The following CSNK2A2IP variants were observed in gnomAD, a reference collection of about 807,000 sequenced individuals.
CSNK2A2IP encodes casein kinase II subunit alpha'-interacting protein.
At chr3:88,402,045 CT>C in the CSNK2A2IP span, among the ~76,000 whole-genome samples, 3 of 143,870 alleles carry the variant, frequency 2.1e-5, no homozygotes, top group Non-Finnish European at 4.6e-5. Flanking sequence ...TTTTGCCATT[CT>C]TTTGGCAGCT....
At chr3:88,376,055 ATTC>A in the CSNK2A2IP span, among the ~76,000 whole-genome samples, 1 of 151,724 alleles carries the variant, frequency 6.6e-6, no homozygotes, top group Admixed American at 6.6e-5. Flanking sequence ...ACCAAAATCT[ATTC>A]TTTTCATCTT....
the CSNK2A2IP span, among the ~76,000 whole-genome samples, chr3:88,406,079 C>A: frequency 6.6e-6 from 1 of 151,926 alleles, no homozygotes; most frequent in East Asian, 1.9e-4. Context: ...TTTAACTAAC[C>A]TCATTGGTCA....
chr3:88,456,026 A>T, the CSNK2A2IP span, among the ~76,000 whole-genome samples: 1 of 151,794 alleles, frequency 6.6e-6, no homozygotes, highest in Non-Finnish European at 1.5e-5. Flanking sequence ...GTATGGGTTT[A>T]TTTCTGGGCT....
chr3:88,341,143 A>T, the CSNK2A2IP span, among the ~76,000 whole-genome samples: 1 of 151,952 alleles, frequency 6.6e-6, no homozygotes, highest in African/African-American at 2.4e-5. Context: ...ATTTATAAGT[A>T]TTTGAAGACT....
the CSNK2A2IP span, among the ~76,000 whole-genome samples, chr3:88,430,590 A>T: frequency 2.0e-5 from 3 of 151,946 alleles, no homozygotes; most frequent in Non-Finnish European, 4.4e-5. Flanking sequence ...AAATGAGAAA[A>T]TGTAAGCGAC....
the CSNK2A2IP span, among the ~76,000 whole-genome samples, chr3:88,379,990 A>G: frequency 6.6e-5 from 10 of 152,250 alleles, no homozygotes; most frequent in Admixed American, 4.6e-4. Context: ...GTTATATTAT[A>G]TTTGTAAGAT....
chr3:88,420,529 C>T, the CSNK2A2IP span, among the ~76,000 whole-genome samples: 1 of 151,936 alleles, frequency 6.6e-6, no homozygotes, highest in South Asian at 2.1e-4. Flanking sequence ...GTATAATAAG[C>T]TATATTTTTG....
At chr3:88,389,955 A>C in the CSNK2A2IP span, among the ~76,000 whole-genome samples, 1 of 152,140 alleles carries the variant, frequency 6.6e-6, no homozygotes, top group Non-Finnish European at 1.5e-5. Flanking sequence ...CTTCCAAGAA[A>C]ATCACCAGAA....
the CSNK2A2IP span, chr3:88,467,407 C>T: frequency 2.2e-4 from 89 of 398,530 alleles, no homozygotes; most frequent in Non-Finnish European, 3.5e-4. Context: ...GGTCTCCTGG[C>T]TTGAGTTTAT....
At chr3:88,402,571 T>A in the CSNK2A2IP span, among the ~76,000 whole-genome samples, 2 of 151,916 alleles carry the variant, frequency 1.3e-5, no homozygotes, top group African/African-American at 4.8e-5. Context: ...ATAAAGAAAA[T>A]CAATACAAAA....
chr3:88,402,724 C>T, the CSNK2A2IP span, among the ~76,000 whole-genome samples: 2 of 151,874 alleles, frequency 1.3e-5, no homozygotes, highest in African/African-American at 4.8e-5. Flanking sequence ...TATATTTGTA[C>T]ATAAAGAGTA....
the CSNK2A2IP span, among the ~76,000 whole-genome samples, chr3:88,427,982 G>A: frequency 0.014 from 2,071 of 152,194 alleles, 39 homozygotes; most frequent in African/African-American, 0.048. Flanking sequence ...CATGCGCCTG[G>A]AAAAGCTGCA....
At chr3:88,373,778 T>C in the CSNK2A2IP span, among the ~76,000 whole-genome samples, 2,839 of 151,190 alleles carry the variant, frequency 0.019, 79 homozygotes, top group African/African-American at 0.063. Context: ...AAACACAGAT[T>C]ACCAATATAA....
the CSNK2A2IP span, among the ~76,000 whole-genome samples, chr3:88,410,505 A>G: frequency 1.3e-5 from 2 of 152,044 alleles, no homozygotes; most frequent in Non-Finnish European, 2.9e-5. Context: ...AAAGCAGCTT[A>G]TCTTTTGTGG....
At chr3:88,379,222 T>G in the CSNK2A2IP span, among the ~76,000 whole-genome samples, 1 of 152,060 alleles carries the variant, frequency 6.6e-6, no homozygotes, top group African/African-American at 2.4e-5. Flanking sequence ...GCTCCCCGTG[T>G]GGCACAGACC....
chr3:88,404,159 CAGAT>C, the CSNK2A2IP span, among the ~76,000 whole-genome samples: 1 of 151,312 alleles, frequency 6.6e-6, no homozygotes, highest in Non-Finnish European at 1.5e-5. Context: ...CCATGTGTAA[CAGAT>C]AGTTTTGGGG....
At chr3:88,445,275 C>CAAAAAAAAAAAAAAAAAAAAAAAAAAAAA in the CSNK2A2IP span, among the ~76,000 whole-genome samples, 4 of 47,772 alleles carry the variant, frequency 8.4e-5, 1 homozygote, top group Non-Finnish European at 1.6e-4. Context: ...GTAAAAATAC[C>CAAAAAAAAAAAAAAAAAAAAAAAAAAAAA]AAAAAAAAAA....
the CSNK2A2IP span, among the ~76,000 whole-genome samples, chr3:88,388,322 C>A: frequency 6.6e-6 from 1 of 152,062 alleles, no homozygotes; most frequent in Non-Finnish European, 1.5e-5. Context: ...TGGTGCTAGG[C>A]CAATTATGTT....
chr3:88,367,196 CAAA>C, the CSNK2A2IP span, among the ~76,000 whole-genome samples: 3 of 152,014 alleles, frequency 2.0e-5, no homozygotes, highest in Non-Finnish European at 4.4e-5. Flanking sequence ...TCATTGTTAT[CAAA>C]AGGACCTTCC....
Sources: gnomAD v4.1 joint callset for allele counts (sites outside exome capture counted in the v4.1 genomes callset) on GRCh38, gnomAD v4.1.1 for gene constraint, MANE v1.5 for transcripts, NCBI Gene and HGNC (gene_info 2026-07-23, HGNC 2026-07-21) for gene names.